Variants in UBAP2 observed in about 807,000 individuals in gnomAD.
UBAP2 encodes the protein ubiquitin associated protein 2, also known as ubiquitin-associated protein 2.
UBAP2 carries 75 observed loss-of-function variants against 139.6 expected under a neutral mutation model. The ratio of observed to expected loss-of-function variants is 0.54; its 90% CI spans 0.45 to 0.65. UBAP2 has a LOEUF of 0.65. UBAP2 is among the 30% of genes least tolerant of loss of function. UBAP2 has a pLI of 0.00. For missense variants in UBAP2, 1,368 were observed against 1,369.6 expected (o/e 1.00, Z 0.02); for synonymous variants, 526 against 526.2 (o/e 1.00, Z 0.01).
At chr9:33,994,719 C>A (rs1822005007) in intron 4 of UBAP2, 1 of 151,430 alleles carries the variant, frequency 6.6e-6, no homozygotes, top group South Asian at 2.1e-4. Flanking sequence ...CCAGTGTTCT[C>A]TTACATGGAA....
chr9:34,007,861 T>C (rs1823375901), intron 2 of UBAP2, among the ~76,000 whole-genome samples: 1 of 152,066 alleles, frequency 6.6e-6, no homozygotes, highest in Admixed American at 6.6e-5. Flanking sequence ...CAAGATGGTC[T>C]CTATCTCCTG....
chr9:34,025,640 G>C (rs1825339105), intron 1 of UBAP2, among the ~76,000 whole-genome samples: 1 of 152,184 alleles, frequency 6.6e-6, no homozygotes. Flanking sequence ...AGGAAAGAAA[G>C]TCTCCGGCCG....
rs1156538779 is a variant in UBAP2 at position 33,927,961 on chromosome 9, T to C, written c.2207A>G (p.Gln736Arg). 1 of 1,613,904 alleles carries C rather than the reference T, an allele frequency of 6.2e-7. No individual in the cohort carries two copies. The highest frequency in any genetic ancestry group is 8.5e-7 in the Non-Finnish European group (1 of 1,179,880). Reference sequence around the variant, plus strand: ...TGCCGTGGAGAAGGTGGCTGAGGACTGGTGGGAAGAGGCGCTCTCCACACT... The same window carrying C: ...TGCCGTGGAGAAGGTGGCTGAGGACCGGTGGGAAGAGGCGCTCTCCACACT... The part of the protein sequence containing the change: ...HASVESASSH[Q>R]SSATFSTAAT... Residue 736 changes from glutamine (Q) to arginine (R), a missense_variant, in exon 20 of 29, where the codon CAG becomes CGG. By Grantham distance (43) the Gln-to-Arg change is conservative. Transcript: ENST00000379238.
chr9:34,011,550 T>A, intron 2 of UBAP2: 1 of 859,550 alleles, frequency 1.2e-6, no homozygotes, highest in Non-Finnish European at 1.4e-6. Context: ...AAGAAAAAAA[T>A]AATTTTCTTT....
chr9:33,962,893 T>A (rs915294355), intron 9 of UBAP2, among the ~76,000 whole-genome samples: 1 of 149,858 alleles, frequency 6.7e-6, no homozygotes, highest in Non-Finnish European at 1.5e-5. Flanking sequence ...GCAGGAGAAT[T>A]GCTTAAACCC....
chr9:34,023,231 A>G (rs1444817232), intron 1 of UBAP2, among the ~76,000 whole-genome samples: 3 of 152,048 alleles, frequency 2.0e-5, no homozygotes, highest in African/African-American at 4.8e-5. Flanking sequence ...AAAAAAAAAA[A>G]AAAGAAAGAA....
At chr9:33,933,688 GTGCCTGAAAATA>G (rs1325993687) in intron 17 of UBAP2, 60 bp from the exon 18 acceptor site, 1 of 1,590,884 alleles carries the variant, frequency 6.3e-7, no homozygotes, top group Non-Finnish European at 8.6e-7. Flanking sequence ...CCAATCCTAA[GTGCCTGAAAATA>G]TGCTCAATAT....
At chr9:34,042,079 A>T (rs1288394550) in intron 1 of UBAP2, among the ~76,000 whole-genome samples, 1 of 152,190 alleles carries the variant, frequency 6.6e-6, no homozygotes, top group Non-Finnish European at 1.5e-5. Context: ...GAAAGAATCA[A>T]GCATCAGAAG....
At chr9:33,989,409 G>C (rs1359713255) in intron 4 of UBAP2, among the ~76,000 whole-genome samples, 3 of 152,080 alleles carry the variant, frequency 2.0e-5, no homozygotes, top group Non-Finnish European at 4.4e-5. Context: ...CATCGTGTTA[G>C]CCATGATGGT....
At chr9:33,956,317 ATTTT>A (rs55858327) in intron 10 of UBAP2, among the ~76,000 whole-genome samples, 171 bp from the exon 11 acceptor site, 17 of 134,014 alleles carry the variant, frequency 1.3e-4, no homozygotes, top group South Asian at 2.5e-4. Context: ...AGTGAATGCA[ATTTT>A]TTTTTTTTTT....
rs1448517865 is a variant in UBAP2 at position 34,022,264 on chromosome 9, A to G, written c.-41-5075T>C. 2.0e-5 allele frequency among the ~76,000 whole-genome samples: 3 copies of G among 151,936 alleles called. No homozygotes were observed. In the East Asian group the frequency reaches 5.8e-4, roughly 30 times the overall value. ...CCATCTAAAAAAATAAAAATAAAAA[A>G]ATCACCTTCAGCACTAATACTCTGC... On this transcript the variant is annotated intron_variant, in intron 1 of 28. Transcript: ENST00000379238.
rs1414539612 is a variant in UBAP2, at chr9:33,922,572, T to C, written c.3292A>G (p.Ser1098Gly). 2.5e-6 allele frequency: 4 copies of C among 1,613,346 alleles called. No individual in the cohort carries two copies. The highest frequency in any genetic ancestry group is 3.3e-4 in the Middle Eastern group (2 of 6,078). The part of the protein sequence containing the change: ...QSGSGQRSQP[S>G]SLQPKSQASK... Reference sequence around the variant, plus strand: ...GCTTGAGACTTGGGCTGCAGGGAGCTGGGCTGGCTGCGCTGACCCGAGCCA... The same window carrying C: ...GCTTGAGACTTGGGCTGCAGGGAGCCGGGCTGGCTGCGCTGACCCGAGCCA... The change falls in exon 29 of 29, where the codon AGC (serine) becomes GGC (glycine). Residue 1098 changes from serine (S) to glycine (G), a missense_variant. Transcript: ENST00000379238.
intron 12 of UBAP2, 37 bp downstream of exon 12, chr9:33,953,248 T>C: frequency 6.3e-7 from 1 of 1,577,630 alleles, no homozygotes. Flanking sequence ...AATGGGTATA[T>C]TTCTTAAAAT....
At chr9:33,941,307 C>T (rs955307282) in intron 16 of UBAP2, among the ~76,000 whole-genome samples, 2 of 152,158 alleles carry the variant, frequency 1.3e-5, no homozygotes, top group African/African-American at 4.8e-5. Flanking sequence ...GAAGCAAATA[C>T]ATTCAAAGCA....
chr9:33,960,869 T>C lies in UBAP2; in HGVS notation c.755A>G (p.Lys252Arg). 1 of 1,613,920 alleles carries C rather than the reference T, an allele frequency of 6.2e-7. No homozygotes were observed. Among genetic ancestry groups the C allele is most frequent in the Non-Finnish European group, 8.5e-7 (1 of 1,180,006 alleles). ...TGTTGTCCACTCTTCCACAGAATTCTTCCAAGCCCCTGTTGGGAAACAACA... is the reference window on the plus strand; with the variant it reads ...TGTTGTCCACTCTTCCACAGAATTCCTCCAAGCCCCTGTTGGGAAACAACA... ...KSSYGLKGAW[K>R]NSVEEWTTED... Residue 252 changes from lysine to arginine, a missense_variant, in exon 10 of 29, where the codon AAG (lysine) becomes AGG (arginine). Physicochemically the swap from Lys to Arg is conservative, Grantham distance 26. Transcript: ENST00000379238.
At chr9:34,003,360 A>C (rs903084129) in intron 2 of UBAP2, among the ~76,000 whole-genome samples, 4 of 140,470 alleles carry the variant, frequency 2.8e-5, no homozygotes, top group Admixed American at 7.7e-5. Flanking sequence ...AAATCTGTAC[A>C]TACATCAAAG....
chr9:33,948,122 A>C (rs1378966440), intron 13 of UBAP2, among the ~76,000 whole-genome samples: 1 of 152,156 alleles, frequency 6.6e-6, no homozygotes, highest in Non-Finnish European at 1.5e-5. Context: ...TGCTTTTACC[A>C]TACTTTTCAA....
At chr9:33,983,560 C>T (rs369749073) in intron 6 of UBAP2, among the ~76,000 whole-genome samples, 14 of 152,134 alleles carry the variant, frequency 9.2e-5, no homozygotes, top group South Asian at 8.3e-4. Flanking sequence ...ACACACATAA[C>T]GTTGGTCTTA....
chr9:33,977,910 G>C (rs1008782244), intron 6 of UBAP2, among the ~76,000 whole-genome samples: 1 of 151,150 alleles, frequency 6.6e-6, no homozygotes, highest in Non-Finnish European at 1.5e-5. Flanking sequence ...AGCTTCTCGG[G>C]AGGCTGAGGC....
Sources: gnomAD v4.1 joint callset for allele counts (sites outside exome capture counted in the v4.1 genomes callset) on GRCh38, gnomAD v4.1.1 for gene constraint, MANE v1.5 for transcripts, NCBI Gene and HGNC (gene_info 2026-07-23, HGNC 2026-07-21) for gene names.